ASAP1: variants seen among roughly 807,000 people sequenced by gnomAD.
ASAP1 encodes arf-GAP with SH3 domain, ANK repeat and PH domain-containing protein 1.
Under a neutral mutation model 145.2 loss-of-function variants are expected in ASAP1, and 43 were observed. That is an observed-to-expected ratio of 0.30 (90% CI 0.23 to 0.38). The LOEUF is 0.38. ASAP1 is among the 10% of genes least tolerant of loss of function. The probability of loss-of-function intolerance (pLI) is 1.00; values close to 1 mark genes in which losing one functional copy is unlikely to be tolerated. For synonymous variants in ASAP1, 546 were observed against 515.5 expected (o/e 1.06, Z -0.80); for missense variants, 1,018 against 1,355.3 (o/e 0.75, Z 3.91).
chr8:130,138,918 C>A (rs918349273), intron 13 of ASAP1, among the ~76,000 whole-genome samples: 1 of 151,516 alleles, frequency 6.6e-6, no homozygotes, highest in African/African-American at 2.4e-5. Flanking sequence ...TCTGTAGCCA[C>A]GAAGCAGGCT....
intron 3 of ASAP1, among the ~76,000 whole-genome samples, chr8:130,333,179 C>A (rs72724450): frequency 0.035 from 5,290 of 152,294 alleles, 125 homozygotes; most frequent in Middle Eastern, 0.065. Context: ...TAAGCACCCC[C>A]AACCCTAGTC....
intron 3 of ASAP1, among the ~76,000 whole-genome samples, chr8:130,270,478 A>T (rs17284725): frequency 0.36 from 54,583 of 152,146 alleles, 10,386 homozygotes; most frequent in East Asian, 0.59. Flanking sequence ...CTCATTTAAA[A>T]GGTTAATTGG....
chr8:130,110,039 C>G (rs1196946677), intron 24 of ASAP1, among the ~76,000 whole-genome samples: 1 of 152,186 alleles, frequency 6.6e-6, no homozygotes, highest in African/African-American at 2.4e-5. Flanking sequence ...ACACTTGTTT[C>G]AGCAGCTGGA....
chr8:130,138,548 G>A (rs1485817091), intron 13 of ASAP1, among the ~76,000 whole-genome samples: 3 of 152,148 alleles, frequency 2.0e-5, no homozygotes, highest in African/African-American at 7.2e-5. Flanking sequence ...TGAGAAAACA[G>A]CTGAAGAGCC....
chr8:130,111,997 G>A, intron 24 of ASAP1, 97 bp downstream of exon 24: 1 of 1,174,556 alleles, frequency 8.5e-7, no homozygotes, highest in South Asian at 1.4e-5. Flanking sequence ...AATGTACCTT[G>A]CAATTCTTAC....
chr8:130,408,158 C>T (rs892933755), intron 1 of ASAP1, among the ~76,000 whole-genome samples: 3 of 152,218 alleles, frequency 2.0e-5, no homozygotes, highest in Admixed American at 6.5e-5. Context: ...AACAGCACTG[C>T]TAATAACCAT....
chr8:130,158,207 T>A lies in ASAP1; in HGVS notation c.1010+1657A>T, dbSNP rs564418139. On this transcript the variant is annotated intron_variant, in intron 12 of 29. Coordinates refer to ENST00000518721, the MANE Select transcript of ASAP1 (RefSeq NM_018482.4). ...AATCAGAAAACAAGGAGCTTTCTTT[T>A]AAAAAAAAACAATGACAATAGGCCA... Among the ~76,000 whole-genome samples the A allele has an allele frequency of 5.8e-4, 87 of 151,014 alleles. 2 individuals are homozygous for A. The highest frequency in any genetic ancestry group is 2.0e-3 in the African/African-American group (82 of 41,154).
At chr8:130,189,191 T>C (rs1049019448) in intron 5 of ASAP1, among the ~76,000 whole-genome samples, 1 of 152,210 alleles carries the variant, frequency 6.6e-6, no homozygotes, top group African/African-American at 2.4e-5. Context: ...ACTCTAGTTA[T>C]TTTGAAATAT....
At chr8:130,275,636 A>C (rs986263540) in intron 3 of ASAP1, among the ~76,000 whole-genome samples, 1 of 152,242 alleles carries the variant, frequency 6.6e-6, no homozygotes, top group Admixed American at 6.5e-5. Flanking sequence ...CAGTTAAAAA[A>C]AAAAACTATG....
chr8:130,323,240 C>T (rs534998919), intron 3 of ASAP1, among the ~76,000 whole-genome samples: 5 of 152,112 alleles, frequency 3.3e-5, no homozygotes, highest in Non-Finnish European at 7.4e-5. Flanking sequence ...ACTGCTATGC[C>T]GTTCTATTCA....
At chr8:130,192,157 A>G (rs1815183449) in intron 5 of ASAP1, among the ~76,000 whole-genome samples, 1 of 152,178 alleles carries the variant, frequency 6.6e-6, no homozygotes, top group African/African-American at 2.4e-5. Context: ...CCAGAGAGCT[A>G]TAGTCTGAGA....
At chr8:130,132,724 C>T (rs934854352) in intron 15 of ASAP1, among the ~76,000 whole-genome samples, 2 of 152,242 alleles carry the variant, frequency 1.3e-5, no homozygotes, top group Non-Finnish European at 1.5e-5. Context: ...CAAGGCTTTG[C>T]ATAGCCTTGG....
At chr8:130,367,081 G>A (rs994494479) in intron 2 of ASAP1, among the ~76,000 whole-genome samples, 4 of 151,492 alleles carry the variant, frequency 2.6e-5, no homozygotes, top group African/African-American at 9.7e-5. Flanking sequence ...TAGTAGAGAC[G>A]GGGTTTCACC....
chr8:130,112,101 G>A lies in ASAP1; in HGVS notation c.2394C>T (p.Ala798=), dbSNP rs762722339. The part of the protein sequence containing the change: ...TEAPPLPPRN[A]GKGPTGPPST... ...CCTTCTCAAAGCCCATACCTTTCCC[G>A]GCGTTCCTAGGAGGCAGAGGGGGAG... The change falls in exon 24 of 30, where the codon GCC becomes GCT. Residue 798 remains alanine, a synonymous_variant. Coordinates refer to ENST00000518721, the MANE Select transcript of ASAP1 (RefSeq NM_018482.4). 17 of 1,613,510 alleles carry A rather than the reference G, an allele frequency of 1.1e-5. No homozygotes were observed. The highest frequency in any genetic ancestry group is 5.0e-5 in the Admixed American group (3 of 59,998).
At chr8:130,238,823 CA>C (rs962850012) in intron 3 of ASAP1, among the ~76,000 whole-genome samples, 1 of 151,980 alleles carries the variant, frequency 6.6e-6, no homozygotes, top group African/African-American at 2.4e-5. Context: ...TTATATCTAC[CA>C]AATCCCAAAG....
chr8:130,329,949 C>T (rs1824574901), intron 3 of ASAP1, among the ~76,000 whole-genome samples: 1 of 152,188 alleles, frequency 6.6e-6, no homozygotes, highest in South Asian at 2.1e-4. Flanking sequence ...CACCATTTCC[C>T]TCCTGTCCTG....
chr8:130,080,105 T>C (rs2097475673), intron 25 of ASAP1, 134 bp from the exon 26 acceptor site: 1 of 762,182 alleles, frequency 1.3e-6, no homozygotes, highest in Admixed American at 2.4e-5. Flanking sequence ...CAAAACGGCA[T>C]GCATTTCTGG....
chr8:130,389,196 G>A (rs1295883288), intron 2 of ASAP1, among the ~76,000 whole-genome samples: 1 of 152,166 alleles, frequency 6.6e-6, no homozygotes, highest in Non-Finnish European at 1.5e-5. Flanking sequence ...TATTGTCTCA[G>A]GTAGAAGCTA....
rs150221582 is a variant in ASAP1 at position 130,118,542 on chromosome 8, G to T, written c.1741C>A (p.Gln581Lys). ...AGCTCTACCCCTTCTGCATAGACTT[G>T]AATTAGTGCAAGTAAATCCCTGGAT... is the stretch of plus-strand genomic sequence containing the variant. ...IKSRDLLALI[Q>K]VYAEGVELME... Residue 581 changes from glutamine (Q) to lysine (K), a missense_variant, in exon 19 of 30, where the codon CAA becomes AAA. Transcript: ENST00000518721. 22 of 1,613,950 alleles carry T rather than the reference G, an allele frequency of 1.4e-5. No individual in the cohort carries two copies. The highest frequency in any genetic ancestry group is 1.8e-5 in the Non-Finnish European group (21 of 1,180,000).
Sources: allele counts gnomAD v4.1 joint callset (sites outside exome capture counted in the v4.1 genomes callset), GRCh38; gene constraint gnomAD v4.1.1; transcripts MANE v1.5; gene names NCBI Gene and HGNC (gene_info 2026-07-23, HGNC 2026-07-21).